GHR: variants seen among roughly 807,000 people sequenced by gnomAD.
GHR encodes the protein GH receptor.
GHR carries 35 observed loss-of-function variants against 67.1 expected under a neutral mutation model. The observed-to-expected ratio is 0.52, with a 90% confidence interval of 0.40 to 0.69. The LOEUF (loss-of-function observed/expected upper bound fraction) is 0.69, where lower values mean the gene tolerates loss of function less well. Ranked by LOEUF, GHR falls within the 30% of genes least tolerant of loss-of-function variation. GHR has a pLI of 0.00. For synonymous variants in GHR, 272 were observed against 269.1 expected, an observed-to-expected ratio of 1.01 and a Z score of -0.10; for missense variants, 792 against 764.6, an observed-to-expected ratio of 1.04 and a Z score of -0.42.
chr5:42,474,295 G>GAGAAAGAAAGAAAGAAAGAA (rs59927289), intron 1 of GHR, among the ~76,000 whole-genome samples: 17,195 of 80,650 alleles, frequency 0.21, 2,513 homozygotes, highest in South Asian at 0.23. Flanking sequence ...AAAAGAGAAA[G>GAGAAAGAAAGAAAGAAAGAA]AGAAAGAAAG....
chr5:42,629,596 T>C (rs1283054548), intron 3 of GHR, among the ~76,000 whole-genome samples: 1 of 132,132 alleles, frequency 7.6e-6, no homozygotes, highest in Non-Finnish European at 1.6e-5. Context: ...ATTTAAATCA[T>C]TTTTCTTTAT....
intron 3 of GHR, among the ~76,000 whole-genome samples, chr5:42,663,170 G>A (rs1020350756): frequency 6.6e-6 from 1 of 152,190 alleles, no homozygotes; most frequent in African/African-American, 2.4e-5. Flanking sequence ...GAGGTACAAG[G>A]AGGAACTGGT....
At chr5:42,588,526 C>CAAAAAAA in intron 2 of GHR, among the ~76,000 whole-genome samples, 1 of 45,120 alleles carries the variant, frequency 2.2e-5, no homozygotes, top group African/African-American at 7.9e-5. Flanking sequence ...AACTCCATCT[C>CAAAAAAA]AAAAAAAAAA....
intron 1 of GHR, among the ~76,000 whole-genome samples, chr5:42,511,616 A>G (rs182043649): frequency 6.6e-6 from 1 of 152,060 alleles, no homozygotes; most frequent in Non-Finnish European, 1.5e-5. Flanking sequence ...TGTTTTTGTT[A>G]GCTGTTATCT....
chr5:42,641,330 T>A (rs562577878), intron 3 of GHR, among the ~76,000 whole-genome samples: 1 of 152,102 alleles, frequency 6.6e-6, no homozygotes, highest in Non-Finnish European at 1.5e-5. Context: ...TACAGAATGT[T>A]TGTATAGGTG....
chr5:42,544,599 C>A (rs1157267215), intron 1 of GHR, among the ~76,000 whole-genome samples: 1 of 152,140 alleles, frequency 6.6e-6, no homozygotes, highest in Non-Finnish European at 1.5e-5. Context: ...TGTAACATTA[C>A]TGATAATATT....
At chr5:42,488,274 G>T (rs1253215927) in intron 1 of GHR, among the ~76,000 whole-genome samples, 2 of 152,120 alleles carry the variant, frequency 1.3e-5, no homozygotes, top group African/African-American at 4.8e-5. Context: ...TGGTAAGGTA[G>T]GAATTTTCAT....
intron 3 of GHR, among the ~76,000 whole-genome samples, chr5:42,686,482 G>A (rs908771367): frequency 5.3e-5 from 8 of 152,132 alleles, no homozygotes; most frequent in South Asian, 2.1e-4. Flanking sequence ...TATCCACCCC[G>A]ATCAAGTCGG....
At chr5:42,634,523 A>ACACG (rs1428765769) in intron 3 of GHR, among the ~76,000 whole-genome samples, 1 of 145,974 alleles carries the variant, frequency 6.9e-6, no homozygotes, top group South Asian at 2.7e-4. Flanking sequence ...TGAATTTTGC[A>ACACG]CACACACACA....
rs1316377467 is a variant in GHR, at chr5:42,525,159, TG to T, written c.-11-40704del. On this transcript the variant is annotated intron_variant, in intron 1 of 9. Coordinates refer to ENST00000230882, the MANE Select transcript of GHR (RefSeq NM_000163.5). ...GTAGATCCACCAACAGCTTGCACTG[TG>T]CTGCTGGAAAAGCCGCAGTCACTCA... 3.3e-5 allele frequency among the ~76,000 whole-genome samples: 5 copies of T among 152,272 alleles called. No individual in the cohort carries two copies. The South Asian group carries it at 6.2e-4, about 19-fold the overall frequency.
chr5:42,616,036 G>A (rs748897728), intron 2 of GHR, among the ~76,000 whole-genome samples: 2 of 151,858 alleles, frequency 1.3e-5, no homozygotes, highest in Non-Finnish European at 2.9e-5. Context: ...TTTTCTGTTA[G>A]GAAATATCAT....
intron 5 of GHR, among the ~76,000 whole-genome samples, chr5:42,696,164 A>C (rs773551815): frequency 2.1e-4 from 32 of 152,234 alleles, no homozygotes; most frequent in Admixed American, 1.1e-3. Context: ...GTTCTCTGCC[A>C]ATAGCCAGTC....
intron 3 of GHR, among the ~76,000 whole-genome samples, chr5:42,685,396 A>G (rs1757088664): frequency 6.6e-6 from 1 of 152,176 alleles, no homozygotes; most frequent in African/African-American, 2.4e-5. Context: ...CAGTGCTGCA[A>G]TAAACATACA....
intron 3 of GHR, among the ~76,000 whole-genome samples, chr5:42,675,904 C>G (rs1756549659): frequency 6.6e-6 from 1 of 152,146 alleles, no homozygotes; most frequent in African/African-American, 2.4e-5. Flanking sequence ...GTAGACTGTG[C>G]CTTTATTTGG....
At chr5:42,538,735 G>C (rs1247287743) in intron 1 of GHR, among the ~76,000 whole-genome samples, 1 of 152,118 alleles carries the variant, frequency 6.6e-6, no homozygotes, top group South Asian at 2.1e-4. Flanking sequence ...TAGCAAGGCT[G>C]GGGAAGTTTT....
chr5:42,444,240 G>C (rs1254042849), intron 1 of GHR, among the ~76,000 whole-genome samples: 1 of 152,108 alleles, frequency 6.6e-6, no homozygotes, highest in African/African-American at 2.4e-5. Context: ...TATATATAAA[G>C]AGAGGCATTC....
chr5:42,670,813 T>C (rs1262925430), intron 3 of GHR, among the ~76,000 whole-genome samples: 1 of 148,032 alleles, frequency 6.8e-6, no homozygotes, highest in Non-Finnish European at 1.5e-5. Flanking sequence ...GGTGCACATG[T>C]ACCCTAAAAC....
rs535400445 is a variant in GHR, at chr5:42,429,396, C to T, written c.-12+5441C>T. 9.9e-5 allele frequency among the ~76,000 whole-genome samples: 15 copies of T among 152,250 alleles called. No homozygotes were observed. In the South Asian group the frequency reaches 2.9e-3, roughly 29 times the overall value. On this transcript the variant is annotated intron_variant, in intron 1 of 9. Coordinates refer to ENST00000230882, the MANE Select transcript of GHR (RefSeq NM_000163.5). ...TCAAGATGAAATTGGGGTGGGGACA[C>T]AGCAAAACCATATTACTGACTGTCC...
intron 2 of GHR, among the ~76,000 whole-genome samples, chr5:42,592,124 AG>A (rs766002226): frequency 2.0e-5 from 3 of 152,116 alleles, no homozygotes; most frequent in Non-Finnish European, 4.4e-5. Flanking sequence ...CAGCTTTCCT[AG>A]TAGGTTGCTG....
Sources: allele counts gnomAD v4.1 joint callset (sites outside exome capture counted in the v4.1 genomes callset), GRCh38; gene constraint gnomAD v4.1.1; transcripts MANE v1.5; gene names NCBI Gene and HGNC (gene_info 2026-07-23, HGNC 2026-07-21).